Variants in STK40 observed in about 807,000 individuals in gnomAD.
STK40 encodes the protein serine/threonine kinase 40.
Under a neutral mutation model 47.9 loss-of-function variants are expected in STK40, and 13 were observed. The ratio of observed to expected loss-of-function variants is 0.27; its 90% CI spans 0.18 to 0.43. The LOEUF (loss-of-function observed/expected upper bound fraction) is 0.43, where lower values mean the gene tolerates loss of function less well. Ranked by LOEUF, STK40 falls within the 20% of genes least tolerant of loss-of-function variation. The probability of loss-of-function intolerance (pLI) is 1.00; values close to 1 mark genes in which losing one functional copy is unlikely to be tolerated. For missense variants in STK40, 460 were observed against 595.1 expected, an observed-to-expected ratio of 0.77 and a Z score of 2.36; for synonymous variants, 225 against 243.2, an observed-to-expected ratio of 0.93 and a Z score of 0.69.
intron 5 of STK40, 45 bp downstream of exon 5, chr1:36,355,161 T>C (rs747424931): frequency 1.3e-6 from 2 of 1,586,906 alleles, no homozygotes; most frequent in Non-Finnish European, 1.7e-6. Flanking sequence ...GCAAGAAAGG[T>C]GGCTTTCTGT....
intron 1 of STK40, among the ~76,000 whole-genome samples, chr1:36,377,283 C>G (rs943125230): frequency 6.6e-6 from 1 of 151,738 alleles, no homozygotes; most frequent in Non-Finnish European, 1.5e-5. Context: ...CGCCTGTAAT[C>G]CCAGCACTTT....
In STK40 at chr1:36,342,199, G is replaced by A. The variant is rs181112918; in HGVS notation, c.1090-226C>T. ...CTTGCAGGCCGCCCTGCGGACCCGG[G>A]ACTGACGCAGACTCATGCTTCCTAA... On this transcript the variant is annotated intron_variant, in intron 10 of 10. Transcript: ENST00000373132. 45 of 565,872 alleles carry A rather than the reference G, an allele frequency of 8.0e-5. No homozygotes were observed. In the East Asian group the frequency reaches 9.8e-4, roughly 12 times the overall value. 35.1% of individuals were successfully genotyped at this position (565,872 alleles called of 1,614,324 possible).
At chr1:36,350,048 C>T (rs945795225) in intron 6 of STK40, among the ~76,000 whole-genome samples, 12 of 152,178 alleles carry the variant, frequency 7.9e-5, no homozygotes, top group Non-Finnish European at 2.9e-5. Context: ...TGAGAGCCCT[C>T]GGTGATCTCG....
chr1:36,377,679 C>T (rs1647003730), intron 1 of STK40, among the ~76,000 whole-genome samples: 1 of 151,950 alleles, frequency 6.6e-6, no homozygotes, highest in Admixed American at 6.6e-5. Context: ...TGCAATGGTG[C>T]AGCAAAAGAG....
At chr1:36,382,734 T>C (rs1290377341) in intron 1 of STK40, among the ~76,000 whole-genome samples, 8 of 152,226 alleles carry the variant, frequency 5.3e-5, no homozygotes, top group Non-Finnish European at 1.2e-4. Flanking sequence ...TAAAAGTTCT[T>C]TCCTGTAGCC....
At chr1:36,352,459 C>T (rs1421902832) in intron 6 of STK40, among the ~76,000 whole-genome samples, 2 of 152,116 alleles carry the variant, frequency 1.3e-5, no homozygotes, top group Non-Finnish European at 2.9e-5. Flanking sequence ...TATATGAATT[C>T]AATCAGTAAG....
chr1:36,345,987 A>ATTTTTTT (rs1397972473), intron 7 of STK40, among the ~76,000 whole-genome samples: 2,220 of 16,784 alleles, frequency 0.13, 96 homozygotes, highest in Non-Finnish European at 0.2. Context: ...ATATATATAT[A>ATTTTTTT]TATATTTTTT....
At chr1:36,354,591 G>A (rs1287535422) in intron 5 of STK40, among the ~76,000 whole-genome samples, 175 bp from the exon 6 acceptor site, 5 of 152,154 alleles carry the variant, frequency 3.3e-5, no homozygotes, top group African/African-American at 4.8e-5. Context: ...CGTGACCTGC[G>A]CGTCTGGATG....
At chr1:36,367,222 G>A (rs907343858) in intron 1 of STK40, among the ~76,000 whole-genome samples, 8 of 152,108 alleles carry the variant, frequency 5.3e-5, no homozygotes, top group African/African-American at 1.9e-4. Context: ...AGCTCAGAGA[G>A]GCAACAATGA....
At chr1:36,358,951 C>T in intron 2 of STK40, 129 bp from the exon 3 acceptor site, 1 of 921,336 alleles carries the variant, frequency 1.1e-6, no homozygotes, top group Non-Finnish European at 1.6e-6. Context: ...TGGACTGACC[C>T]TCCAAGGTCT....
chr1:36,354,279 G>A (rs1570443377), intron 6 of STK40, 85 bp downstream of exon 6: 1 of 1,449,612 alleles, frequency 6.9e-7, no homozygotes, highest in Middle Eastern at 1.8e-4. Context: ...TCCTCATGAG[G>A]ACACTTCAGG....
At chr1:36,384,125 G>A (rs982965152) in intron 1 of STK40, among the ~76,000 whole-genome samples, 2 of 151,580 alleles carry the variant, frequency 1.3e-5, no homozygotes, top group African/African-American at 2.4e-5. Context: ...TGCCTCATAG[G>A]TTCAAGCAAT....
chr1:36,364,815 A>AT (rs1440222594), intron 1 of STK40, among the ~76,000 whole-genome samples: 1 of 152,044 alleles, frequency 6.6e-6, no homozygotes, highest in Non-Finnish European at 1.5e-5. Context: ...TAACATTTAC[A>AT]TTTTTTAAAT....
At chr1:36,368,567 T>G (rs1260554448) in intron 1 of STK40, among the ~76,000 whole-genome samples, 1 of 152,202 alleles carries the variant, frequency 6.6e-6, no homozygotes, top group Non-Finnish European at 1.5e-5. Flanking sequence ...ATGCTATTTT[T>G]TTTTCCAAAA....
At chr1:36,350,567 C>T (rs556090128) in intron 6 of STK40, among the ~76,000 whole-genome samples, 23 of 152,350 alleles carry the variant, frequency 1.5e-4, no homozygotes, top group Non-Finnish European at 3.2e-4. Context: ...AATCCCAGCA[C>T]CAAACTCCAG....
rs570178417 is a variant in STK40 at position 36,359,792 on chromosome 1, T to C, written c.113-970A>G. On this transcript the variant is annotated intron_variant, in intron 2 of 10. Coordinates refer to ENST00000373132, the MANE Select transcript of STK40 (RefSeq NM_001282547.2). ...GCATGATTCAGTTCCCGCCCACCTTTCTAACAGGATGTTCCATTCCCTGTC... is the reference window on the plus strand; with the variant it reads ...GCATGATTCAGTTCCCGCCCACCTTCCTAACAGGATGTTCCATTCCCTGTC... Among the ~76,000 whole-genome samples, 21 of 152,308 alleles carry C rather than the reference T, an allele frequency of 1.4e-4. No homozygotes were observed. In the South Asian group the frequency reaches 3.9e-3, roughly 29 times the overall value.
intron 1 of STK40, among the ~76,000 whole-genome samples, chr1:36,362,119 G>A (rs1229391714): frequency 6.6e-6 from 1 of 152,150 alleles, no homozygotes; most frequent in African/African-American, 2.4e-5. Flanking sequence ...TGATAATCCC[G>A]AGATCCTCCT....
At chr1:36,350,313 C>T (rs1646740796) in intron 6 of STK40, among the ~76,000 whole-genome samples, 1 of 152,190 alleles carries the variant, frequency 6.6e-6, no homozygotes, top group Admixed American at 6.5e-5. Context: ...TGGGGCTGCT[C>T]GGGCCTCTTG....
At chr1:36,383,109 C>T (rs368136391) in intron 1 of STK40, among the ~76,000 whole-genome samples, 22 of 152,266 alleles carry the variant, frequency 1.4e-4, no homozygotes, top group East Asian at 1.2e-3. Flanking sequence ...CCACCACGTC[C>T]GGCTAATTTT....
Sources: allele counts gnomAD v4.1 joint callset (sites outside exome capture counted in the v4.1 genomes callset), GRCh38; gene constraint gnomAD v4.1.1; transcripts MANE v1.5; gene names NCBI Gene and HGNC (gene_info 2026-07-23, HGNC 2026-07-21).